The following FAM98B variants were observed in gnomAD, a reference collection of about 807,000 sequenced individuals.
The protein encoded by FAM98B is tRNA-splicing ligase complex subunit FAM98B.
FAM98B carries 32 observed loss-of-function variants against 43.9 expected under a neutral mutation model. The ratio of observed to expected loss-of-function variants is 0.73; its 90% confidence interval spans 0.55 to 0.98. The LOEUF (loss-of-function observed/expected upper bound fraction) is 0.98, where lower values mean the gene tolerates loss of function less well. Among genes scored for constraint, FAM98B ranks in the 50% least tolerant of loss-of-function variants. The probability of loss-of-function intolerance (pLI) is 0.00; values close to 1 mark genes in which losing one functional copy is unlikely to be tolerated. For missense variants in FAM98B, 514 were observed against 522.9 expected (o/e 0.98, Z 0.17); for synonymous variants, 190 against 174.0 (o/e 1.09, Z -0.72).
chr15:38,465,320 A>T lies in FAM98B; in HGVS notation c.269A>T (p.Glu90Val). The T allele has an allele frequency of 6.2e-7, 1 of 1,611,528 alleles. No homozygotes were observed. Among genetic ancestry groups the T allele is most frequent in the Non-Finnish European group, 8.5e-7 (1 of 1,179,198 alleles). Reference protein sequence around the residue: ...FQLEISGFLKEMACPYSVLIS... With the variant: ...FQLEISGFLKVMACPYSVLIS... Reference sequence around the variant, plus strand: ...CTTGAGATAAGTGGCTTTTTAAAAGAAATGGCATGTCCATATTCTGTACTC... The same window carrying T: ...CTTGAGATAAGTGGCTTTTTAAAAGTAATGGCATGTCCATATTCTGTACTC... The change falls in exon 3 of 8, where the codon GAA becomes GTA. Residue 90 changes from glutamate (E) to valine (V), a missense_variant. By Grantham distance (121) the Glu-to-Val change is moderately radical. This residue lies in a region of FAM98B where 469 missense variants were observed against 451.8 expected (regional missense o/e 1.04). Coordinates refer to ENST00000397609, the MANE Select transcript of FAM98B (RefSeq NM_173611.4).
intron 2 of FAM98B, 146 bp downstream of exon 2, chr15:38,464,323 A>G (rs940314960): frequency 2.7e-5 from 19 of 699,922 alleles, no homozygotes; most frequent in Middle Eastern, 4.5e-4. Flanking sequence ...ACATTTTTGG[A>G]TTAAATTTTA....
intron 4 of FAM98B, among the ~76,000 whole-genome samples, chr15:38,472,528 T>C (rs1380565535): frequency 6.6e-6 from 1 of 152,038 alleles, no homozygotes; most frequent in Non-Finnish European, 1.5e-5. Flanking sequence ...GCCATAAAGT[T>C]TGCCCATTTT....
intron 4 of FAM98B, among the ~76,000 whole-genome samples, chr15:38,471,434 A>G (rs1890129535): frequency 1.3e-5 from 2 of 152,154 alleles, no homozygotes; most frequent in Middle Eastern, 3.4e-3. Context: ...GGGTTGGCTA[A>G]ATTTTCTGGG....
At chr15:38,456,318 C>A (rs115974737) in intron 1 of FAM98B, among the ~76,000 whole-genome samples, 1 of 152,186 alleles carries the variant, frequency 6.6e-6, no homozygotes, top group Non-Finnish European at 1.5e-5. Context: ...TCGTGTGGAA[C>A]TTGTGAAAAA....
intron 6 of FAM98B, 22 bp from the exon 7 acceptor site, chr15:38,481,270 T>C (rs761851653): frequency 1.9e-6 from 3 of 1,591,910 alleles, no homozygotes; most frequent in East Asian, 4.5e-5. Context: ...TGTTCCTTTT[T>C]TCCTTAACTC....
At position 38,470,413 on chromosome 15, in the gene FAM98B, CTT is replaced by C. The variant is rs1247947078; in HGVS notation, c.531+10_531+11del. The C allele has an allele frequency of 2.5e-6, 4 of 1,574,492 alleles. No individual in the cohort carries two copies. Among genetic ancestry groups the C allele is most frequent in the Non-Finnish European group, 3.4e-6 (4 of 1,167,788 alleles). On this transcript the variant is annotated intron_variant, in intron 4 of 7. Coordinates refer to ENST00000397609, the MANE Select transcript of FAM98B (RefSeq NM_173611.4). ...AACCAAGTGGAATCAAAGGTATTAT[CTT>C]TGTTTTATTTTCCCCAAAATTCAAC...
At chr15:38,475,954 C>T (rs1294170866) in intron 6 of FAM98B, among the ~76,000 whole-genome samples, 3 of 152,062 alleles carry the variant, frequency 2.0e-5, no homozygotes, top group Non-Finnish European at 4.4e-5. Flanking sequence ...AAACTTGCAT[C>T]CACTTACTGC....
intron 7 of FAM98B, among the ~76,000 whole-genome samples, chr15:38,483,841 C>T (rs183037441): frequency 4.6e-4 from 70 of 151,536 alleles, no homozygotes; most frequent in African/African-American, 1.4e-3. Flanking sequence ...TAAATTGAAA[C>T]ACCATAATTG....
intron 1 of FAM98B, among the ~76,000 whole-genome samples, chr15:38,455,651 T>G (rs1267507351): frequency 6.6e-6 from 1 of 152,198 alleles, no homozygotes; most frequent in Non-Finnish European, 1.5e-5. Flanking sequence ...CTGAAAATAC[T>G]TAGTAGAATT....
chr15:38,475,295 C>A (rs1345358934), intron 6 of FAM98B, among the ~76,000 whole-genome samples: 1 of 152,138 alleles, frequency 6.6e-6, no homozygotes, highest in African/African-American at 2.4e-5. Flanking sequence ...CTGTTACCTT[C>A]TTGTCTTTCA....
chr15:38,481,759 A>C (rs1257554659), intron 7 of FAM98B: 3 of 769,518 alleles, frequency 3.9e-6, no homozygotes, highest in East Asian at 2.9e-5. Context: ...GTCAGTAAGA[A>C]TCTTTCGGAA....
chr15:38,463,985 G>A, intron 1 of FAM98B, 47 bp from the exon 2 acceptor site: 1 of 1,533,792 alleles, frequency 6.5e-7, no homozygotes, highest in Non-Finnish European at 8.8e-7. Context: ...AGGTTTTTTT[G>A]TTTGATTGGC....
At chr15:38,470,000 G>A (rs1566899009) in intron 3 of FAM98B, among the ~76,000 whole-genome samples, 4 of 151,998 alleles carry the variant, frequency 2.6e-5, no homozygotes, top group African/African-American at 9.7e-5. Context: ...TATAGCTTTA[G>A]TTAGTTGTTT....
Position 38,484,236 on chromosome 15 carries a change from A to G in FAM98B, c.898-19A>G, listed in dbSNP as rs1822318840. ...TTTTTGAAATATTAGGAACTAAAAGAAAATGTTTCTTCACACAGGTGCTGA... is the reference window on the plus strand; with the variant it reads ...TTTTTGAAATATTAGGAACTAAAAGGAAATGTTTCTTCACACAGGTGCTGA... On this transcript the variant is annotated intron_variant, in intron 7 of 7. Transcript: ENST00000397609. The G allele has an allele frequency of 6.5e-7, 1 of 1,544,344 alleles. No homozygotes were observed.
chr15:38,460,115 C>T (rs1207060036), intron 1 of FAM98B, among the ~76,000 whole-genome samples: 2 of 152,206 alleles, frequency 1.3e-5, no homozygotes, highest in African/African-American at 4.8e-5. Context: ...AGTGTCTGAC[C>T]AGCAACTATG....
At position 38,485,118 on chromosome 15, in the gene FAM98B, G is replaced by A. The variant is rs1406689674; in HGVS notation, c.*459G>A. On this transcript the variant is annotated 3_prime_UTR_variant, in exon 8 of 8. Coordinates refer to ENST00000397609, the MANE Select transcript of FAM98B (RefSeq NM_173611.4). ...GATGTGTTTTGTGGGTTTTTCATTC[G>A]ATTTTACAAAATAGGGAAAGGCACT... is the stretch of plus-strand genomic sequence containing the variant. The A allele has an allele frequency of 6.6e-6, 1 of 152,430 alleles. No homozygotes were observed. Among genetic ancestry groups the A allele is most frequent in the African/African-American group, 2.4e-5 (1 of 41,410 alleles). The allele number at this position is 152,430 out of a possible 1,614,324, so 9.4% of individuals were successfully genotyped here. A position where few individuals can be genotyped will look rare whatever the true frequency, so the allele number is the denominator to read the frequency against.
chr15:38,479,035 C>T (rs762009055), intron 6 of FAM98B, among the ~76,000 whole-genome samples: 6 of 152,100 alleles, frequency 3.9e-5, no homozygotes, highest in Non-Finnish European at 8.8e-5. Flanking sequence ...TCATAGCTCA[C>T]TGCAACTCAC....
In FAM98B at chr15:38,484,253, A is replaced by AG; in HGVS notation, c.898dup. The AG allele has an allele frequency of 6.5e-7, 1 of 1,547,862 alleles. No individual in the cohort carries two copies. The highest frequency in any genetic ancestry group is 8.7e-7 in the Non-Finnish European group (1 of 1,145,962). On this transcript the variant is annotated splice_acceptor_variant, in intron 7 of 7. Transcript: ENST00000397609. LOFTEE classifies it high-confidence loss of function. ...ACTAAAAGAAAATGTTTCTTCACAC[A>AG]GGTGCTGATGGGAAGGGTGCCTGAC... is the stretch of plus-strand genomic sequence containing the variant.
At chr15:38,464,840 A>C (rs182360326) in intron 2 of FAM98B, among the ~76,000 whole-genome samples, 4 of 152,286 alleles carry the variant, frequency 2.6e-5, no homozygotes, top group Admixed American at 2.6e-4. Context: ...GGGCTCAAGC[A>C]ACCCTCTCAC....
Sources: gnomAD v4.1 joint callset for allele counts (sites outside exome capture counted in the v4.1 genomes callset) on GRCh38, gnomAD v4.1.1 for gene constraint, gnomAD v4.1.1 regional missense constraint, MANE v1.5 for transcripts, NCBI Gene and HGNC (gene_info 2026-07-23, HGNC 2026-07-21) for gene names.